RBM5: variants seen among roughly 807,000 people sequenced by gnomAD.
RBM5 encodes RNA binding motif protein 5.
RBM5 carries 15 observed loss-of-function variants against 124.6 expected under a neutral mutation model. The ratio of observed to expected loss-of-function variants is 0.12; its 90% confidence interval spans 0.08 to 0.19. RBM5 has a LOEUF of 0.19. Among genes scored for constraint, RBM5 ranks in the 10% least tolerant of loss-of-function variants. The pLI, the probability that RBM5 is intolerant of heterozygous loss-of-function variation, is 1.00. For missense variants in RBM5, 580 were observed against 1,026.5 expected, an observed-to-expected ratio of 0.57 and a Z score of 5.94; for synonymous variants, 337 against 361.2, an observed-to-expected ratio of 0.93 and a Z score of 0.76.
chr3:50,099,964 A>C lies in RBM5; in HGVS notation c.340-18A>C, dbSNP rs769036957. The C allele has an allele frequency of 1.2e-6, 2 of 1,610,316 alleles. No homozygotes were observed. The highest frequency in any genetic ancestry group is 1.7e-6 in the Non-Finnish European group (2 of 1,177,778). On this transcript the variant is annotated intron_variant, in intron 4 of 24. Transcript: ENST00000347869. ...GTGGCAAAAGCTTTAACTGTAAATA[A>C]TGTAAAACCCTGTGCAGATTCGAGA...
At chr3:50,102,186 AAAAG>A (rs2090953335) in intron 6 of RBM5, 2 of 152,180 alleles carry the variant, frequency 1.3e-5, no homozygotes, top group East Asian at 3.9e-4. Flanking sequence ...ACCCCCAAGA[AAAAG>A]AAAAGATGCT....
intron 17 of RBM5, 33 bp downstream of exon 17, chr3:50,110,803 A>G: frequency 1.3e-6 from 2 of 1,539,518 alleles, no homozygotes; most frequent in East Asian, 2.3e-5. Flanking sequence ...CAATTTCACT[A>G]GAAGTAGTTT....
chr3:50,099,942 G>C, intron 4 of RBM5, 40 bp from the exon 5 acceptor site: 1 of 1,577,676 alleles, frequency 6.3e-7, no homozygotes, highest in Non-Finnish European at 8.7e-7. Context: ...ATAGTGTGTG[G>C]CAAAAGCTTT....
intron 4 of RBM5, chr3:50,094,145 C>A: frequency 4.0e-6 from 1 of 247,630 alleles, no homozygotes; most frequent in Non-Finnish European, 7.8e-6. Flanking sequence ...TTTTATACAA[C>A]ACTTTAAATA....
chr3:50,095,795 T>A (rs1227968710), intron 4 of RBM5, among the ~76,000 whole-genome samples: 3 of 152,094 alleles, frequency 2.0e-5, no homozygotes, highest in Non-Finnish European at 4.4e-5. Flanking sequence ...ACTAGTCACC[T>A]CTGTGTCCCC....
At chr3:50,102,741 G>A in intron 6 of RBM5, 1 of 273,528 alleles carries the variant, frequency 3.7e-6, no homozygotes. Flanking sequence ...AGAGAATTGT[G>A]TCTTCTGCTT....
rs1217037358 is a variant in RBM5, at chr3:50,110,431, C to T, written c.1331C>T (p.Ser444Phe). Residue 444 changes from serine (S) to phenylalanine (F), a missense_variant, in exon 16 of 25, where the codon TCC (serine) becomes TTC (phenylalanine). Physicochemically the swap from Ser to Phe is radical, Grantham distance 155 (BLOSUM62 -2). Coordinates refer to ENST00000347869, the MANE Select transcript of RBM5 (RefSeq NM_005778.4). ...TSTSTQAPAA[S>F]PTGVVPGTKY... The stretch of plus-strand genomic sequence containing the variant: ...ACAAGTACACAGGCCCCAGCCGCTT[C>T]CCCTACTGGTGTAGTTCCTGGTACC... 1 of 1,614,098 alleles carries T rather than the reference C, an allele frequency of 6.2e-7. No individual in the cohort carries two copies. The highest frequency in any genetic ancestry group is 8.5e-7 in the Non-Finnish European group (1 of 1,180,036).
chr3:50,090,272 A>G, intron 1 of RBM5, 110 bp from the exon 2 acceptor site: 2 of 664,406 alleles, frequency 3.0e-6, no homozygotes, highest in Middle Eastern at 3.6e-4. Context: ...AATCACTGTC[A>G]ATGATTTGAA....
chr3:50,097,241 A>G (rs2090836125), intron 4 of RBM5, among the ~76,000 whole-genome samples: 2 of 152,188 alleles, frequency 1.3e-5, no homozygotes, highest in South Asian at 4.1e-4. Context: ...TAAAACTACA[A>G]AAAAATTAGC....
In RBM5 at chr3:50,100,887, T is replaced by C; in HGVS notation, c.483+282T>C. 3.2e-6 allele frequency: 1 copy of C among 317,382 alleles called. No homozygotes were observed. The highest frequency in any genetic ancestry group is 5.8e-6 in the Non-Finnish European group (1 of 173,706). The allele number at this position is 317,382 out of a possible 1,614,324, so 19.7% of individuals were successfully genotyped here. A position where few individuals can be genotyped will look rare whatever the true frequency, so the allele number is the denominator to read the frequency against. ...AACATCTTAATGTTTCCCTTTTTTCTAGTTTGTTATATTCCTATTATGTCC... is the reference window on the plus strand; with the variant it reads ...AACATCTTAATGTTTCCCTTTTTTCCAGTTTGTTATATTCCTATTATGTCC... On this transcript the variant is annotated intron_variant, in intron 6 of 24. Transcript: ENST00000347869. The surrounding 1 kb of genome is among the most constrained non-coding windows in gnomAD (Gnocchi z 5.1).
chr3:50,089,554 C>G (rs1174347973), intron 1 of RBM5, among the ~76,000 whole-genome samples: 1 of 152,264 alleles, frequency 6.6e-6, no homozygotes, highest in East Asian at 1.9e-4. Context: ...AGGTGGGTGC[C>G]GGCACCGCCC....
intron 4 of RBM5, among the ~76,000 whole-genome samples, chr3:50,098,821 C>T (rs918812720): frequency 1.3e-5 from 2 of 152,176 alleles, no homozygotes; most frequent in African/African-American, 4.8e-5. Context: ...CTCAAGCGCT[C>T]ATCTTGCCTC....
intron 4 of RBM5, among the ~76,000 whole-genome samples, chr3:50,097,202 T>C (rs2090834779): frequency 6.6e-6 from 1 of 152,090 alleles, no homozygotes; most frequent in African/African-American, 2.4e-5. Context: ...GAGACCATCC[T>C]GGCTAGCACG....
At chr3:50,107,968 G>A (rs1575325393) in intron 12 of RBM5, 102 bp from the exon 13 acceptor site, 3 of 1,008,242 alleles carry the variant, frequency 3.0e-6, no homozygotes, top group East Asian at 2.5e-5. Flanking sequence ...TTACAGCCGT[G>A]AGCCACAGCG....
chr3:50,095,214 A>G (rs1001250180), intron 4 of RBM5, among the ~76,000 whole-genome samples: 1 of 152,152 alleles, frequency 6.6e-6, no homozygotes, highest in African/African-American at 2.4e-5. Context: ...AACAAAAAGA[A>G]GTAAATTACC....
intron 14 of RBM5, 24 bp from the exon 15 acceptor site, chr3:50,109,579 C>G (rs1328799952): frequency 2.5e-6 from 4 of 1,605,322 alleles, no homozygotes; most frequent in Non-Finnish European, 3.4e-6. Flanking sequence ...CTTGGCTTTC[C>G]CTAACACTTG....
chr3:50,115,289 G>C (rs1178770776), intron 20 of RBM5, 139 bp from the exon 21 acceptor site: 2 of 1,046,672 alleles, frequency 1.9e-6, no homozygotes, highest in Non-Finnish European at 2.8e-6. Context: ...TTGACAAAAT[G>C]TGATTCATTA....
chr3:50,114,475 T>C (rs2091204533), intron 20 of RBM5: 2 of 508,092 alleles, frequency 3.9e-6, no homozygotes, highest in Non-Finnish European at 3.4e-6. Flanking sequence ...CTAAGCTCAG[T>C]TAATTAAGTT....
chr3:50,111,786 A>C (rs1465367041), intron 17 of RBM5, among the ~76,000 whole-genome samples: 1 of 152,218 alleles, frequency 6.6e-6, no homozygotes, highest in Admixed American at 6.5e-5. Context: ...TAGCAGATGT[A>C]TGGAGTGATG....
Sources: gnomAD v4.1 joint callset for allele counts (sites outside exome capture counted in the v4.1 genomes callset) on GRCh38, gnomAD v4.1.1 for gene constraint, Gnocchi (gnomAD v3.1) non-coding constraint, MANE v1.5 for transcripts, NCBI Gene and HGNC (gene_info 2026-07-23, HGNC 2026-07-21) for gene names.